PREX1: variants seen among roughly 807,000 people sequenced by gnomAD.
PREX1 encodes the protein phosphatidylinositol 3,4,5-trisphosphate-dependent Rac exchanger 1 protein.
A neutral mutation model predicts 198.3 loss-of-function variants in PREX1; 41 were observed. That is an observed-to-expected ratio of 0.21 (90% CI 0.16 to 0.27). The LOEUF is 0.27. Ranked by LOEUF, PREX1 falls within the 10% of genes least tolerant of loss-of-function variation. PREX1 has a pLI of 1.00. For missense variants in PREX1, 1,620 were observed against 2,200.7 expected (o/e 0.74, Z 5.28); for synonymous variants, 843 against 887.2 (o/e 0.95, Z 0.89).
rs755851202 is a variant in PREX1 at position 48,690,953 on chromosome 20, G to A, written c.1180C>T (p.Arg394Cys). ...CCCCAAAGCTGCTGCTCACTCTCGCGCTGCTCCCGCTCGCGGATGATGGCA... is the reference window on the plus strand; with the variant it reads ...CCCCAAAGCTGCTGCTCACTCTCGCACTGCTCCCGCTCGCGGATGATGGCA... Reference protein sequence around the residue: ...LDAIIREREQRESLKLGMERD... With the variant: ...LDAIIREREQCESLKLGMERD... Residue 394 changes from arginine (R) to cysteine (C), a missense_variant, in exon 9 of 40, where the codon CGC becomes TGC. Physicochemically the swap from Arg to Cys is radical, Grantham distance 180. Transcript: ENST00000371941. 3.1e-6 allele frequency: 5 copies of A among 1,613,902 alleles called. No homozygotes were observed. The highest frequency in any genetic ancestry group is 2.5e-6 in the Non-Finnish European group (3 of 1,180,016).
chr20:48,739,522 G>C (rs758058023), intron 3 of PREX1, among the ~76,000 whole-genome samples: 1 of 152,198 alleles, frequency 6.6e-6, no homozygotes, highest in Non-Finnish European at 1.5e-5. Flanking sequence ...ACCTCAGGCA[G>C]AGTCACTCTT....
chr20:48,631,389 T>C (rs890892277), intron 35 of PREX1, among the ~76,000 whole-genome samples: 2 of 152,228 alleles, frequency 1.3e-5, no homozygotes, highest in Admixed American at 6.5e-5. Flanking sequence ...ATATGCTCCA[T>C]GAAGAACAGG....
chr20:48,660,031 G>T lies in PREX1; in HGVS notation c.1769C>A (p.Ser590Tyr). Residue 590 changes from serine to tyrosine, a missense_variant, in exon 16 of 40, where the codon TCC becomes TAC. Ser to Tyr is a moderately radical substitution (Grantham distance 144, BLOSUM62 -2). Transcript: ENST00000371941. Reference sequence around the variant, plus strand: ...GTCAGCATGAAAGCGGAAGTACTGGGACTCATCCCTGAACTCGCTCTTCTC... The same window carrying T: ...GTCAGCATGAAAGCGGAAGTACTGGTACTCATCCCTGAACTCGCTCTTCTC... ...VLEKSEFRDE[S>Y]QYFRFHADEE... 6.2e-7 allele frequency: 1 copy of T among 1,614,196 alleles called. No homozygotes were observed. Among genetic ancestry groups the T allele is most frequent in the Non-Finnish European group, 8.5e-7 (1 of 1,180,042 alleles).
chr20:48,735,874 G>A (rs769334334), intron 3 of PREX1, among the ~76,000 whole-genome samples: 10 of 152,152 alleles, frequency 6.6e-5, no homozygotes, highest in East Asian at 1.9e-4. Context: ...GGAGTGGGAG[G>A]CAAATACCCA....
At chr20:48,719,468 G>C (rs1387239843) in intron 5 of PREX1, among the ~76,000 whole-genome samples, 1 of 152,144 alleles carries the variant, frequency 6.6e-6, no homozygotes, top group Non-Finnish European at 1.5e-5. Context: ...CTGTGGTTGG[G>C]GGAGGATGGG....
At position 48,663,980 on chromosome 20, in the gene PREX1, G is replaced by A. The variant is rs556197072; in HGVS notation, c.1738+2303C>T. 5.3e-5 allele frequency among the ~76,000 whole-genome samples: 8 copies of A among 152,246 alleles called. No homozygotes were observed. In the South Asian group the frequency reaches 1.2e-3, roughly 24 times the overall value. ...ACACTCTGCTCCCAGAACCTGGCAC[G>A]GTGCCTGGAACACCAAAGACACCAC... On this transcript the variant is annotated intron_variant, in intron 15 of 39. Coordinates refer to ENST00000371941, the MANE Select transcript of PREX1 (RefSeq NM_020820.4).
At chr20:48,831,346 A>G (rs1254711974), upstream of PREX1, among the ~76,000 whole-genome samples, 1 of 152,186 alleles carries the variant, frequency 6.6e-6, no homozygotes, top group South Asian at 2.1e-4. Context: ...CCCCTGGCAC[A>G]AGGCTGCCCA....
intron 13 of PREX1, among the ~76,000 whole-genome samples, chr20:48,677,155 G>A (rs2089715129): frequency 6.6e-6 from 1 of 152,196 alleles, no homozygotes; most frequent in Non-Finnish European, 1.5e-5. Flanking sequence ...GCAGTTGGTG[G>A]GGGTCTGCTA....
the PREX1 span, among the ~76,000 whole-genome samples, chr20:48,872,640 G>A: frequency 6.6e-6 from 1 of 152,156 alleles, no homozygotes; most frequent in Non-Finnish European, 1.5e-5. Flanking sequence ...CAACTATTCA[G>A]GAGGCTGAGG....
the PREX1 span, among the ~76,000 whole-genome samples, chr20:48,870,331 C>G: frequency 6.6e-6 from 1 of 152,184 alleles, no homozygotes; most frequent in Non-Finnish European, 1.5e-5. Context: ...AGCCAGCAGG[C>G]CCCAACTTTC....
At chr20:48,726,501 G>T in intron 4 of PREX1, 110 bp from the exon 5 acceptor site, 2 of 757,446 alleles carry the variant, frequency 2.6e-6, no homozygotes, top group Non-Finnish European at 2.3e-6. Flanking sequence ...CACTTGGCAA[G>T]CGATTTAGCG....
chr20:48,734,375 C>G (rs1219143041), intron 4 of PREX1, among the ~76,000 whole-genome samples, 171 bp downstream of exon 4: 1 of 152,112 alleles, frequency 6.6e-6, no homozygotes, highest in African/African-American at 2.4e-5. Flanking sequence ...AAAAATATTC[C>G]CCAGCTGGCC....
At position 48,666,252 on chromosome 20, in the gene PREX1, C is replaced by T. The variant is rs570319619; in HGVS notation, c.1738+31G>A. On this transcript the variant is annotated intron_variant, in intron 15 of 39. Transcript: ENST00000371941. This position sits in a 1 kb window ranked among gnomAD's most constrained non-coding sequence, Gnocchi z 4.3. ...CCATCAGCTCCAGGGAGCAAGGTCCCGGGGGCTGGGCTGCAGGTGGGGGTG... is the reference window on the plus strand; with the variant it reads ...CCATCAGCTCCAGGGAGCAAGGTCCTGGGGGCTGGGCTGCAGGTGGGGGTG... 36 of 1,539,226 alleles carry T rather than the reference C, an allele frequency of 2.3e-5. No individual in the cohort carries two copies. Among genetic ancestry groups the T allele is most frequent in the South Asian group, 1.5e-4 (13 of 83,948 alleles).
the PREX1 span, among the ~76,000 whole-genome samples, chr20:48,869,139 T>C: frequency 6.6e-6 from 1 of 152,138 alleles, no homozygotes. Flanking sequence ...CCTCCTAAAA[T>C]GCTGGAATTA....
At chr20:48,630,319 C>A (rs1336885459) in intron 36 of PREX1, among the ~76,000 whole-genome samples, 1 of 152,272 alleles carries the variant, frequency 6.6e-6, no homozygotes, top group East Asian at 1.9e-4. Context: ...TCCCCAACAG[C>A]CAGATCTTCC....
chr20:48,730,867 G>C (rs1195625452), intron 4 of PREX1, among the ~76,000 whole-genome samples: 1 of 152,010 alleles, frequency 6.6e-6, no homozygotes, highest in African/African-American at 2.4e-5. Context: ...GCATGGTGGT[G>C]CACACTATAG....
chr20:48,677,152 G>C (rs2089715115), intron 13 of PREX1, among the ~76,000 whole-genome samples: 1 of 152,226 alleles, frequency 6.6e-6, no homozygotes, highest in Admixed American at 6.5e-5. Flanking sequence ...CGTGCAGTTG[G>C]TGGGGGTCTG....
intron 1 of PREX1, among the ~76,000 whole-genome samples, chr20:48,801,667 T>G (rs952046840): frequency 2.0e-5 from 3 of 152,338 alleles, no homozygotes; most frequent in African/African-American, 7.2e-5. Flanking sequence ...ACCTCCTCAC[T>G]GGTCTCCCCA....
chr20:48,840,339 CAAA>C, the PREX1 span, among the ~76,000 whole-genome samples: 16 of 111,594 alleles, frequency 1.4e-4, no homozygotes, highest in Admixed American at 3.8e-4. Context: ...TAACCTTAAC[CAAA>C]AAAAAAAAAA....
Sources: allele counts gnomAD v4.1 joint callset (sites outside exome capture counted in the v4.1 genomes callset), GRCh38; gene constraint gnomAD v4.1.1; non-coding constraint Gnocchi (gnomAD v3.1); transcripts MANE v1.5; gene names NCBI Gene and HGNC (gene_info 2026-07-23, HGNC 2026-07-21).